Variants in DAPK3 observed in about 807,000 individuals in gnomAD.
DAPK3 encodes the protein death associated protein kinase 3, also known as death-associated protein kinase 3.
DAPK3 carries 24 observed loss-of-function variants against 30.6 expected under a neutral mutation model. That is an observed-to-expected ratio of 0.78 (90% CI 0.57 to 1.10). The LOEUF is 1.10. Among genes scored for constraint, DAPK3 ranks in the 50% least tolerant of loss-of-function variants. DAPK3 has a pLI of 0.00. For synonymous variants in DAPK3, 341 were observed against 284.0 expected, an observed-to-expected ratio of 1.20 and a Z score of -2.02; for missense variants, 629 against 657.3, an observed-to-expected ratio of 0.96 and a Z score of 0.47.
intron 4 of DAPK3, 40 bp downstream of exon 4, chr19:3,964,203 AC>A: frequency 6.5e-7 from 1 of 1,549,600 alleles, no homozygotes; most frequent in Non-Finnish European, 8.8e-7. Context: ...GCCCCAGACC[AC>A]CCTCCCCAGG....
Position 3,959,507 on chromosome 19 carries a change from G to GCT in DAPK3, c.958_959insAG (p.Ala320GlufsTer109). 6.4e-7 allele frequency: 1 copy of GCT among 1,563,322 alleles called. No individual in the cohort carries two copies. Among genetic ancestry groups the GCT allele is most frequent in the South Asian group, 1.2e-5 (1 of 86,318 alleles). ...CACCTTGGAGAAGCGCTCGAAGTCG[G>GCT]CGTAGCTGTTGTTGGGCGGCAAGCT... On this transcript the variant is annotated frameshift_variant, in exon 9 of 9. Transcript: ENST00000545797. LOFTEE classifies it low-confidence loss of function (END_TRUNC).
rs759543762 is a variant in DAPK3, at chr19:3,959,256, G to T, written c.1210C>A (p.Leu404Met). Residue 404 changes from leucine to methionine, a missense_variant, in exon 9 of 9, where the codon CTG becomes ATG. This residue lies in a region of DAPK3 where 323 missense variants were observed against 278.8 expected (regional missense o/e 1.16). Transcript: ENST00000545797. ...QAQEEAKGAL[L>M]GTSGLKRRFS... ...CGGCGCTTGAGGCCGCTGGTCCCCAGCAGCGCGCCCTTGGCCTCCTCCTGC... is the reference window on the plus strand; with the variant it reads ...CGGCGCTTGAGGCCGCTGGTCCCCATCAGCGCGCCCTTGGCCTCCTCCTGC... 13 of 1,599,562 alleles carry T rather than the reference G, an allele frequency of 8.1e-6. No individual in the cohort carries two copies. In the Admixed American group the frequency reaches 2.0e-4, roughly 25 times the overall value.
At chr19:3,965,479 G>A (rs1196767664) in intron 2 of DAPK3, among the ~76,000 whole-genome samples, 2 of 152,120 alleles carry the variant, frequency 1.3e-5, no homozygotes, top group African/African-American at 2.4e-5. Flanking sequence ...TTAGCTGGGT[G>A]TGGTGGCGGG....
At chr19:3,963,707 G>A (rs746889354) in intron 5 of DAPK3, 38 bp from the exon 6 acceptor site, 2 of 1,510,130 alleles carry the variant, frequency 1.3e-6, no homozygotes, top group Admixed American at 4.4e-5. Context: ...GCGCAGCGTG[G>A]GGCCGCCCAC....
chr19:3,963,980 A>G, intron 4 of DAPK3, 61 bp from the exon 5 acceptor site: 1 of 1,111,974 alleles, frequency 9.0e-7, no homozygotes, highest in South Asian at 1.3e-5. Flanking sequence ...AAGAGGCTCA[A>G]GACACAGGCA....
Position 3,959,465 on chromosome 19 carries a change from G to A in DAPK3, c.1001C>T (p.Ala334Val). 6.5e-7 allele frequency: 1 copy of A among 1,546,090 alleles called. No homozygotes were observed. Among genetic ancestry groups the A allele is most frequent in the Non-Finnish European group, 8.7e-7 (1 of 1,152,532 alleles). ...RFSKVLEEAA[A>V]AEEGLRELQR... The stretch of plus-strand genomic sequence containing the variant: ...CAGCTCGCGCAGGCCCTCCTCGGCG[G>A]CCGCCGCCTCCTCCAGCACCTTGGA... Residue 334 changes from alanine (A) to valine (V), a missense_variant, in exon 9 of 9, where the codon GCC (alanine) becomes GTC (valine). Around this residue, in one of 2 missense-constraint regions of DAPK3, gnomAD observed 323 missense variants for 278.8 expected, o/e 1.16. Transcript: ENST00000545797.
At chr19:3,962,437 A>G (rs551387803) in intron 6 of DAPK3, among the ~76,000 whole-genome samples, 1 of 152,358 alleles carries the variant, frequency 6.6e-6, no homozygotes, top group Admixed American at 6.5e-5. Context: ...TGCCCATTCA[A>G]TATGGCTGGG....
Position 3,958,634 on chromosome 19 carries a change from GCGT to G in DAPK3, c.*464_*466del, listed in dbSNP as rs2039466390. On this transcript the variant is annotated 3_prime_UTR_variant, in exon 9 of 9. Transcript: ENST00000545797. ...CCACCAAGCCCGGCGCCACCCAGCA[GCGT>G]GGGGACTGCCTGTCCGCCGTCCATC... The G allele has an allele frequency of 2.5e-6, 1 of 399,378 alleles. No homozygotes were observed. Among genetic ancestry groups the G allele is most frequent in the Non-Finnish European group, 5.0e-6 (1 of 200,330 alleles). 24.7% of individuals were successfully genotyped at this position (399,378 alleles called of 1,614,324 possible).
At chr19:3,965,414 C>T (rs563652712) in intron 2 of DAPK3, among the ~76,000 whole-genome samples, 3 of 152,180 alleles carry the variant, frequency 2.0e-5, no homozygotes, top group Non-Finnish European at 2.9e-5. Flanking sequence ...CTGAGGAGTT[C>T]AAGAGCAGCC....
In DAPK3 at chr19:3,959,210, CG is replaced by C; in HGVS notation, c.1255del (p.Arg419AlafsTer9). The C allele has an allele frequency of 6.2e-7, 1 of 1,600,610 alleles. No individual in the cohort carries two copies. The highest frequency in any genetic ancestry group is 8.5e-7 in the Non-Finnish European group (1 of 1,177,828). ...TACTTGCTTGGCCAGCGCCTCGTAG[CG>C]GTTCTCCAGGCGGCTGAAGCGGCGC... ...LKRRFSRLEN[R>X]YEALAKQVAS... On this transcript the variant is annotated frameshift_variant, in exon 9 of 9. Coordinates refer to ENST00000545797, the MANE Select transcript of DAPK3 (RefSeq NM_001348.3). LOFTEE classifies it low-confidence loss of function (END_TRUNC).
rs371046687 is a variant in DAPK3 at position 3,964,789 on chromosome 19, C to T, written c.265G>A (p.Val89Met). The change falls in exon 3 of 9, where the codon GTG (valine) becomes ATG (methionine). Residue 89 changes from valine (V) to methionine (M), a missense_variant. Around this residue, in one of 2 missense-constraint regions of DAPK3, gnomAD observed 306 missense variants for 378.5 expected, o/e 0.81. Coordinates refer to ENST00000545797, the MANE Select transcript of DAPK3 (RefSeq NM_001348.3). Reference protein sequence around the residue: ...LHDIFENKTDVVLILELVSGG... With the variant: ...LHDIFENKTDMVLILELVSGG... ...GAGACCAGCTCCAGGATGAGGACCA[C>T]GTCCGTCTTGTTCTCGAAGATGTCG... 1.2e-6 allele frequency: 2 copies of T among 1,611,852 alleles called. No individual in the cohort carries two copies. The highest frequency in any genetic ancestry group is 1.7e-6 in the Non-Finnish European group (2 of 1,178,224).
Position 3,965,002 on chromosome 19 carries a change from G to A in DAPK3, c.63-11C>T, listed in dbSNP as rs2039562411. The A allele has an allele frequency of 1.3e-6, 2 of 1,550,334 alleles. No individual in the cohort carries two copies. Among genetic ancestry groups the A allele is most frequent in the East Asian group, 4.5e-5 (2 of 44,440 alleles). On this transcript the variant is annotated splice_polypyrimidine_tract_variant and intron_variant, in intron 2 of 8. Transcript: ENST00000545797. ...ATCGCAAACTGGCCGCTGGAGGAGGGGGAGGGAGTGAGTGGGGGTGGAGGA... is the reference window on the plus strand; with the variant it reads ...ATCGCAAACTGGCCGCTGGAGGAGGAGGAGGGAGTGAGTGGGGGTGGAGGA...
rs748198560 is a variant in DAPK3 at position 3,959,635 on chromosome 19, C to T, written c.831G>A (p.Ala277=). 6 of 1,574,814 alleles carry T rather than the reference C, an allele frequency of 3.8e-6. No individual in the cohort carries two copies. Among genetic ancestry groups the T allele is most frequent in the East Asian group, 2.3e-5 (1 of 43,968 alleles). ...AQSLEHSWIK[A]IRRRNVRGED... ...CACCACGCACGTTCCGCCGCCGGAT[C>T]GCCTAGGAAGGAGGGAAGCCTGAGC... The change falls in exon 9 of 9, where the codon GCG becomes GCA. Residue 277 remains alanine (A), a splice_region_variant and synonymous_variant. Transcript: ENST00000545797.
Position 3,959,435 on chromosome 19 carries a change from C to CA in DAPK3, c.1030_1031insT (p.Arg344LeufsTer233). Reference sequence around the variant, plus strand: ...GTCCTCGTGGCAGAGCCGCCGGCTGCGCTGCAGCTCGCGCAGGCCCTCCTC... The same window carrying CA: ...GTCCTCGTGGCAGAGCCGCCGGCTGCAGCTGCAGCTCGCGCAGGCCCTCCTC... On this transcript the variant is annotated frameshift_variant, in exon 9 of 9. Coordinates refer to ENST00000545797, the MANE Select transcript of DAPK3 (RefSeq NM_001348.3). LOFTEE classifies it low-confidence loss of function (END_TRUNC). The CA allele has an allele frequency of 6.5e-7, 1 of 1,549,262 alleles. No individual in the cohort carries two copies. Among genetic ancestry groups the CA allele is most frequent in the East Asian group, 2.4e-5 (1 of 42,170 alleles).
Position 3,964,278 on chromosome 19 carries a change from C to G in DAPK3, c.519G>C (p.Glu173Asp). ...CCGGGGTGCCGAAGATGTTCTTGAA[C>G]TCGTTCCCCGCCTCGATCTTGTGCG... ...GIAHKIEAGNEFKNIFGTPEF... is the reference protein window; with the variant it reads ...GIAHKIEAGNDFKNIFGTPEF... The change falls in exon 4 of 9, where the codon GAG (glutamate) becomes GAC (aspartate). Residue 173 changes from glutamate to aspartate, a missense_variant. Physicochemically the swap from Glu to Asp is conservative, Grantham distance 45. Transcript: ENST00000545797. 1 of 1,613,696 alleles carries G rather than the reference C, an allele frequency of 6.2e-7. No individual in the cohort carries two copies. Among genetic ancestry groups the G allele is most frequent in the Non-Finnish European group, 8.5e-7 (1 of 1,179,644 alleles).
chr19:3,960,171 C>G lies in DAPK3; in HGVS notation c.783-67G>C, dbSNP rs10411087. On this transcript the variant is annotated intron_variant, in intron 7 of 8. Coordinates refer to ENST00000545797, the MANE Select transcript of DAPK3 (RefSeq NM_001348.3). ...GTCCCGTCCTCCCGTGAACAACTGA[C>G]TCCCGGGACCCCCAAAAGCCCTAAA... is the stretch of plus-strand genomic sequence containing the variant. 1,367 of 858,572 alleles carry G rather than the reference C, an allele frequency of 1.6e-3. 19 individuals are homozygous for G. In the African/African-American group the frequency reaches 0.02, roughly 13 times the overall value. 53.2% of individuals were successfully genotyped at this position (858,572 alleles called of 1,614,324 possible). A position where few individuals can be genotyped will look rare whatever the true frequency, so the allele number is the denominator to read the frequency against.
intron 6 of DAPK3, among the ~76,000 whole-genome samples, chr19:3,962,680 G>A (rs1488722030): frequency 1.3e-5 from 2 of 150,910 alleles, no homozygotes; most frequent in African/African-American, 4.9e-5. Flanking sequence ...GGGAGGCTGA[G>A]GCATGGGAAT....
In DAPK3 at chr19:3,967,614, G is replaced by C. The variant is rs1448572460; in HGVS notation, c.62+2060C>G. ...TACTAAAAATACAAAAATTAGCTGAGCACGTTGGTGGGCGCCTGTAATTCC... is the reference window on the plus strand; with the variant it reads ...TACTAAAAATACAAAAATTAGCTGACCACGTTGGTGGGCGCCTGTAATTCC... On this transcript the variant is annotated intron_variant, in intron 2 of 8. Transcript: ENST00000545797. Among the ~76,000 whole-genome samples, 3 of 152,156 alleles carry C rather than the reference G, an allele frequency of 2.0e-5. No individual in the cohort carries two copies. In the South Asian group the frequency reaches 6.2e-4, roughly 32 times the overall value.
intron 2 of DAPK3, among the ~76,000 whole-genome samples, chr19:3,968,552 T>C (rs911544572): frequency 1.3e-5 from 2 of 152,064 alleles, no homozygotes; most frequent in Non-Finnish European, 2.9e-5. Context: ...TCCATGTATG[T>C]ACAGTTTTCC....
Sources: allele counts gnomAD v4.1 joint callset (sites outside exome capture counted in the v4.1 genomes callset), GRCh38; gene constraint gnomAD v4.1.1; regional missense constraint gnomAD v4.1.1; transcripts MANE v1.5; gene names NCBI Gene and HGNC (gene_info 2026-07-23, HGNC 2026-07-21).